The following ADCY3 variants were observed in gnomAD, a reference collection of about 807,000 sequenced individuals.
ADCY3 encodes adenylate cyclase 3, also known as adenylate cyclase type 3.
A neutral mutation model predicts 119.4 loss-of-function variants in ADCY3; 70 were observed. The observed-to-expected ratio is 0.59, with a 90% CI of 0.48 to 0.72. ADCY3 has a LOEUF of 0.72. Ranked by LOEUF, ADCY3 falls within the 30% of genes least tolerant of loss-of-function variation. The pLI is 0.00. For synonymous variants in ADCY3, 672 were observed against 621.4 expected (o/e 1.08, Z -1.21); for missense variants, 1,238 against 1,541.6 (o/e 0.80, Z 3.30).
chr2:24,834,839 T>C lies in ADCY3; in HGVS notation c.1760A>G (p.Asn587Ser), dbSNP rs757344352. 1 of 1,613,978 alleles carries C rather than the reference T, an allele frequency of 6.2e-7. No homozygotes were observed. Among genetic ancestry groups the C allele is most frequent in the Non-Finnish European group, 8.5e-7 (1 of 1,180,018 alleles). Residue 587 changes from asparagine (N) to serine (S), a missense_variant, in exon 10 of 22, where the codon AAC (asparagine) becomes AGC (serine). Coordinates refer to ENST00000679454, the MANE Select transcript of ADCY3 (RefSeq NM_004036.5). The surrounding 1 kb of genome is among the most constrained non-coding windows in gnomAD (Gnocchi z 4.2). ...AAGCAGGGCCTCGTTGAGCAGCTGGTTGAGCTCGTGCTCATCTTCAGAGGC... is the reference window on the plus strand; with the variant it reads ...AAGCAGGGCCTCGTTGAGCAGCTGGCTGAGCTCGTGCTCATCTTCAGAGGC... ...VDASEDEHEL[N>S]QLLNEALLER...
intron 3 of ADCY3, among the ~76,000 whole-genome samples, chr2:24,854,723 G>A (rs1672800500): frequency 6.6e-6 from 1 of 152,100 alleles, no homozygotes; most frequent in South Asian, 2.1e-4. Context: ...TTAGAAGGGG[G>A]ACACCTACCA....
intron 15 of ADCY3, among the ~76,000 whole-genome samples, chr2:24,827,296 C>A (rs1238156701): frequency 6.6e-6 from 1 of 152,180 alleles, no homozygotes; most frequent in Non-Finnish European, 1.5e-5. Context: ...CTTCCTCCCT[C>A]CTCATTTTCC....
chr2:24,914,946 A>G, intron 2 of ADCY3, among the ~76,000 whole-genome samples: 1 of 152,228 alleles, frequency 6.6e-6, no homozygotes, highest in Admixed American at 6.5e-5. Context: ...TCTTCCTGTC[A>G]GAACCCCACC....
chr2:24,836,418 C>T (rs531562183), intron 9 of ADCY3, among the ~76,000 whole-genome samples: 28 of 152,226 alleles, frequency 1.8e-4, no homozygotes, highest in East Asian at 7.7e-4. Flanking sequence ...GTGCTCCAGA[C>T]GCCCTGCGGT....
chr2:24,834,471 G>A lies in ADCY3; in HGVS notation c.1967+14C>T, dbSNP rs185923875. 179 of 1,504,586 alleles carry A rather than the reference G, an allele frequency of 1.2e-4. 2 individuals are homozygous for A. The Admixed American group carries it at 2.7e-3, about 23-fold the overall frequency. 93.2% of individuals were successfully genotyped at this position (1,504,586 alleles called of 1,614,324 possible). A position where few individuals can be genotyped will look rare whatever the true frequency, so the allele number is the denominator to read the frequency against. ...GCCGAGGAAACTCGTGGCCCTCCCC[G>A]GCCCCTCCCTCACCAGGGGTCGATG... On this transcript the variant is annotated intron_variant, in intron 11 of 21. Transcript: ENST00000679454. The surrounding 1 kb of genome is among the most constrained non-coding windows in gnomAD (Gnocchi z 4.2).
intron 20 of ADCY3, chr2:24,821,293 G>C (rs1667662330): frequency 1.0e-5 from 6 of 572,498 alleles, no homozygotes; most frequent in Admixed American, 3.4e-5. Flanking sequence ...TATTGTAACA[G>C]TAGGCACAGT....
chr2:24,849,189 C>A (rs1375409676), intron 3 of ADCY3, among the ~76,000 whole-genome samples: 1 of 152,234 alleles, frequency 6.6e-6, no homozygotes, highest in Non-Finnish European at 1.5e-5. Flanking sequence ...AGAGTTCTGT[C>A]CCTTCAGAAA....
intron 16 of ADCY3, among the ~76,000 whole-genome samples, chr2:24,825,343 GGGGGGTGC>G (rs1668450327): frequency 1.0e-4 from 2 of 19,434 alleles, no homozygotes; most frequent in South Asian, 4.3e-3. Context: ...GCGGGGGGGG[GGGGGGTGC>G]GGGGGGGGTG....
rs1448006433 is a variant in ADCY3, at chr2:24,819,809, T to G, written c.*123A>C. 1 of 1,030,024 alleles carries G rather than the reference T, an allele frequency of 9.7e-7. No individual in the cohort carries two copies. The highest frequency in any genetic ancestry group is 1.4e-6 in the Non-Finnish European group (1 of 711,716). 63.8% of individuals were successfully genotyped at this position (1,030,024 alleles called of 1,614,324 possible). A position where few individuals can be genotyped will look rare whatever the true frequency, so the allele number is the denominator to read the frequency against. On this transcript the variant is annotated 3_prime_UTR_variant, in exon 22 of 22. Coordinates refer to ENST00000679454, the MANE Select transcript of ADCY3 (RefSeq NM_004036.5). ...CACACATCCACGAACAAATGAAGGC[T>G]GAGGAGGTTTCTAAACCTAAAGTCC...
rs1573023644 is a variant in ADCY3 at position 24,898,841 on chromosome 2, C to A, written c.675+19472G>T. On this transcript the variant is annotated intron_variant, in intron 2 of 21. Transcript: ENST00000679454. This position sits in a 1 kb window ranked among gnomAD's most constrained non-coding sequence, Gnocchi z 4.3. ...CAGCAGCTCAGCAGTGGGAGGTCTG[C>A]AGCCTGGGGATAGCTCCAGTTCACA... Among the ~76,000 whole-genome samples the A allele has an allele frequency of 6.6e-6, 1 of 152,190 alleles. No homozygotes were observed. The highest frequency in any genetic ancestry group is 2.1e-4 in the South Asian group (1 of 4,838).
chr2:24,900,288 T>G (rs1678750950), intron 2 of ADCY3, among the ~76,000 whole-genome samples: 1 of 142,374 alleles, frequency 7.0e-6, no homozygotes, highest in Non-Finnish European at 1.5e-5. Context: ...AAGGTTGCAG[T>G]GAGCTGAGAT....
intron 20 of ADCY3, 78 bp downstream of exon 20, chr2:24,821,439 A>G: frequency 6.4e-7 from 1 of 1,572,508 alleles, no homozygotes; most frequent in Non-Finnish European, 8.6e-7. Context: ...CCTGAGCCTC[A>G]TGTCTCTCCT....
Position 24,872,731 on chromosome 2 carries a change from G to A in ADCY3, c.676-12C>T. 1 of 1,611,634 alleles carries A rather than the reference G, an allele frequency of 6.2e-7. No individual in the cohort carries two copies. The highest frequency in any genetic ancestry group is 1.1e-5 in the South Asian group (1 of 90,936). ...ACGTTGGCCAGGATCTGCACCCCAA[G>A]GAAGAAGAGAGAAAAGGCCAGGGGT... On this transcript the variant is annotated splice_polypyrimidine_tract_variant and intron_variant, in intron 2 of 21. Transcript: ENST00000679454. This position sits in a 1 kb window ranked among gnomAD's most constrained non-coding sequence, Gnocchi z 4.4.
At position 24,920,174 on chromosome 2, in the gene ADCY3, G is replaced by A. The variant is rs1329869285; in HGVS notation, c.-689C>T. 2.1e-5 allele frequency among the ~76,000 whole-genome samples: 3 copies of A among 145,930 alleles called. No homozygotes were observed. Among genetic ancestry groups the A allele is most frequent in the Admixed American group, 6.8e-5 (1 of 14,792 alleles). ...GCGCCGAGCCGAGCCAGCCGAGTCC[G>A]GGCTCGGCGTGCTGCACAGCTATTC... On this transcript the variant is annotated 5_prime_UTR_variant, in exon 1 of 22. Coordinates refer to ENST00000679454, the MANE Select transcript of ADCY3 (RefSeq NM_004036.5). The surrounding 1 kb of genome is among the most constrained non-coding windows in gnomAD (Gnocchi z 4.5).
Position 24,920,177 on chromosome 2 carries a change from C to G in ADCY3, c.-692G>C, listed in dbSNP as rs1385445947. On this transcript the variant is annotated 5_prime_UTR_variant, in exon 1 of 22. Coordinates refer to ENST00000679454, the MANE Select transcript of ADCY3 (RefSeq NM_004036.5). This position sits in a 1 kb window ranked among gnomAD's most constrained non-coding sequence, Gnocchi z 4.5. ...CCGAGCCGAGCCAGCCGAGTCCGGGCTCGGCGTGCTGCACAGCTATTCCCC... is the reference window on the plus strand; with the variant it reads ...CCGAGCCGAGCCAGCCGAGTCCGGGGTCGGCGTGCTGCACAGCTATTCCCC... 1.4e-5 allele frequency among the ~76,000 whole-genome samples: 2 copies of G among 146,412 alleles called. No homozygotes were observed. Among genetic ancestry groups the G allele is most frequent in the Admixed American group, 6.8e-5 (1 of 14,786 alleles).
chr2:24,893,205 TA>T (rs1044500510), intron 2 of ADCY3, among the ~76,000 whole-genome samples: 7 of 152,100 alleles, frequency 4.6e-5, no homozygotes, highest in African/African-American at 1.7e-4. Context: ...AGCTAATTTT[TA>T]AAAAAATTTT....
At chr2:24,835,429 GAGA>G (rs1357069053) in intron 9 of ADCY3, among the ~76,000 whole-genome samples, 2 of 152,198 alleles carry the variant, frequency 1.3e-5, no homozygotes, top group African/African-American at 2.4e-5. Flanking sequence ...TGATGGGAGA[GAGA>G]AGAATGTCCT....
intron 3 of ADCY3, among the ~76,000 whole-genome samples, chr2:24,856,536 G>A (rs1050864479): frequency 6.6e-6 from 1 of 152,202 alleles, no homozygotes; most frequent in African/African-American, 2.4e-5. Context: ...GGGGCTGTGG[G>A]AGGCAGGGAA....
intron 3 of ADCY3, among the ~76,000 whole-genome samples, chr2:24,852,709 G>A (rs538445489): frequency 6.6e-6 from 1 of 152,260 alleles, no homozygotes; most frequent in Non-Finnish European, 1.5e-5. Flanking sequence ...CCTCTCCACG[G>A]CCAGGAGCCG....
Sources: gnomAD v4.1 joint callset for allele counts (sites outside exome capture counted in the v4.1 genomes callset) on GRCh38, gnomAD v4.1.1 for gene constraint, Gnocchi (gnomAD v3.1) non-coding constraint, MANE v1.5 for transcripts, NCBI Gene and HGNC (gene_info 2026-07-23, HGNC 2026-07-21) for gene names.